Variants in AP1G1 observed in about 807,000 individuals in gnomAD.
AP1G1 encodes adaptor related protein complex 1 subunit gamma 1, also known as AP-1 complex subunit gamma-1.
A neutral mutation model predicts 108.3 loss-of-function variants in AP1G1; 7 were observed. The ratio of observed to expected loss-of-function variants is 0.06; its 90% confidence interval spans 0.04 to 0.12. The LOEUF is 0.12. Among genes scored for constraint, AP1G1 ranks in the 10% least tolerant of loss-of-function variants. The pLI, the probability that AP1G1 is intolerant of heterozygous loss-of-function variation, is 1.00. For missense variants in AP1G1, 756 were observed against 1,010.7 expected, an observed-to-expected ratio of 0.75 and a Z score of 3.42; for synonymous variants, 379 against 353.5, an observed-to-expected ratio of 1.07 and a Z score of -0.81.
At chr16:71,799,364 T>G (rs2142276900) in intron 1 of AP1G1, among the ~76,000 whole-genome samples, 1 of 152,342 alleles carries the variant, frequency 6.6e-6, no homozygotes, top group East Asian at 1.9e-4. Context: ...AGCACTTTGT[T>G]AAGTGGCAAA....
In AP1G1 at chr16:71,744,578, T is replaced by TA. The variant is rs112438201; in HGVS notation, c.1999+565_1999+566insT. On this transcript the variant is annotated intron_variant, in intron 19 of 22. Coordinates refer to ENST00000299980, the MANE Select transcript of AP1G1 (RefSeq NM_001128.6). ...GCTTGAAAGAGAAAGTGTGTTTTTT[T>TA]TTTTTTTTTTTTGGAGACAGAGTCT... 3.3e-3 allele frequency among the ~76,000 whole-genome samples: 491 copies of TA among 147,700 alleles called. 8 individuals are homozygous for TA. The highest frequency in any genetic ancestry group is 0.012 in the African/African-American group (463 of 39,880).
At chr16:71,779,724 C>G (rs924195605) in intron 2 of AP1G1, among the ~76,000 whole-genome samples, 1 of 152,162 alleles carries the variant, frequency 6.6e-6, no homozygotes, top group East Asian at 1.9e-4. Context: ...CTTTTTACAT[C>G]TTCCTGTAGC....
In AP1G1 at chr16:71,738,692, G is replaced by A. The variant is rs2045581015; in HGVS notation, c.2268+250C>T. Among the ~76,000 whole-genome samples, 2 of 152,082 alleles carry A rather than the reference G, an allele frequency of 1.3e-5. 1 individual carries two copies. Among genetic ancestry groups the A allele is most frequent in the South Asian group, 4.1e-4 (2 of 4,822 alleles). On this transcript the variant is annotated intron_variant, in intron 21 of 22. Coordinates refer to ENST00000299980, the MANE Select transcript of AP1G1 (RefSeq NM_001128.6). The stretch of plus-strand genomic sequence containing the variant: ...TTAACTGATCACCTCGTAGAATTCT[G>A]CTCTCACTACTATTAGAATTGTTTT...
At chr16:71,790,193 A>T (rs1044793935) in intron 1 of AP1G1, among the ~76,000 whole-genome samples, 1 of 152,216 alleles carries the variant, frequency 6.6e-6, no homozygotes, top group African/African-American at 2.4e-5. Flanking sequence ...AATTTCAAGA[A>T]TTACTACAAA....
At chr16:71,750,478 G>A (rs181382890) in intron 13 of AP1G1, 146 bp from the exon 14 acceptor site, 146 of 916,108 alleles carry the variant, frequency 1.6e-4, no homozygotes, top group Admixed American at 1.3e-3. Context: ...GCGATAGCGC[G>A]ATCTTGGCTC....
chr16:71,772,844 T>C (rs1419156210), intron 4 of AP1G1: 1 of 292,536 alleles, frequency 3.4e-6, no homozygotes. Flanking sequence ...CATTCCCTAA[T>C]AATTATCTAG....
chr16:71,777,786 G>A (rs1597072199), intron 2 of AP1G1: 1 of 428,768 alleles, frequency 2.3e-6, no homozygotes, highest in East Asian at 7.7e-5. Context: ...TTCTCCTTCA[G>A]GTCCTTGGTG....
chr16:71,750,941 G>A (rs1346735927), intron 13 of AP1G1, among the ~76,000 whole-genome samples: 2 of 151,506 alleles, frequency 1.3e-5, no homozygotes, highest in Non-Finnish European at 1.5e-5. Context: ...TGGATCACAA[G>A]GTCAGGAGAT....
Position 71,801,419 on chromosome 16 carries a change from G to A in AP1G1, c.-4+7344C>T, listed in dbSNP as rs552470797. On this transcript the variant is annotated intron_variant, in intron 1 of 22. Coordinates refer to ENST00000299980, the MANE Select transcript of AP1G1 (RefSeq NM_001128.6). Reference sequence around the variant, plus strand: ...ACAAAAAATTCCTATGTACACTTACGTGAGTATGTACAGTACTTAACTAAG... The same window carrying A: ...ACAAAAAATTCCTATGTACACTTACATGAGTATGTACAGTACTTAACTAAG... Among the ~76,000 whole-genome samples, 198 of 151,508 alleles carry A rather than the reference G, an allele frequency of 1.3e-3. 5 individuals carry two copies. In the South Asian group the frequency reaches 0.04, roughly 31 times the overall value.
At position 71,748,869 on chromosome 16, in the gene AP1G1, G is replaced by C. The variant is rs1167142134; in HGVS notation, c.1498-491C>G. ...TAAAGTGGTTTTAAAATCTCACAAT[G>C]GGGCCAGGCAAAGTGGCTCACACCT... On this transcript the variant is annotated intron_variant, in intron 15 of 22. Coordinates refer to ENST00000299980, the MANE Select transcript of AP1G1 (RefSeq NM_001128.6). 2.0e-5 allele frequency among the ~76,000 whole-genome samples: 3 copies of C among 152,082 alleles called. No homozygotes were observed. The East Asian group carries it at 5.8e-4, about 29-fold the overall frequency.
chr16:71,788,416 TATC>T (rs1421969925), intron 2 of AP1G1, among the ~76,000 whole-genome samples: 1 of 152,160 alleles, frequency 6.6e-6, no homozygotes, highest in African/African-American at 2.4e-5. Flanking sequence ...AGAAAGTACT[TATC>T]ATTGAGACTA....
rs193275482 is a variant in AP1G1, at chr16:71,744,700, G to A, written c.1999+444C>T. On this transcript the variant is annotated intron_variant, in intron 19 of 22. Transcript: ENST00000299980. The stretch of plus-strand genomic sequence containing the variant: ...AAGCGATTCTCCTGCCTCAGCCTCC[G>A]GAGTAGCTGGGATTATAGGCATGCA... Among the ~76,000 whole-genome samples, 268 of 150,212 alleles carry A rather than the reference G, an allele frequency of 1.8e-3. 2 individuals are homozygous for A. In the Middle Eastern group the frequency reaches 0.035, roughly 20 times the overall value.
chr16:71,751,726 T>C (rs1431316906), intron 13 of AP1G1, among the ~76,000 whole-genome samples: 1 of 152,218 alleles, frequency 6.6e-6, no homozygotes, highest in Admixed American at 6.5e-5. Flanking sequence ...TACACATTTT[T>C]CTTAAACTTA....
At chr16:71,762,124 A>C (rs1029437692) in intron 9 of AP1G1, among the ~76,000 whole-genome samples, 3 of 152,154 alleles carry the variant, frequency 2.0e-5, no homozygotes, top group African/African-American at 7.2e-5. Flanking sequence ...CTCCGTTAAT[A>C]GCAAATTTGC....
chr16:71,791,249 A>G (rs1446124187), intron 1 of AP1G1, among the ~76,000 whole-genome samples: 1 of 151,940 alleles, frequency 6.6e-6, no homozygotes, highest in African/African-American at 2.4e-5. Context: ...AAAAAAAACA[A>G]AAACAAAAAA....
intron 16 of AP1G1, 121 bp downstream of exon 16, chr16:71,748,130 G>C (rs1231454607): frequency 1.2e-5 from 12 of 1,017,228 alleles, no homozygotes; most frequent in Non-Finnish European, 1.7e-5. Flanking sequence ...GGAAATTTGT[G>C]TTATTATTCT....
chr16:71,744,747 T>G lies in AP1G1; in HGVS notation c.1999+397A>C, dbSNP rs940302682. On this transcript the variant is annotated intron_variant, in intron 19 of 22. Coordinates refer to ENST00000299980, the MANE Select transcript of AP1G1 (RefSeq NM_001128.6). ...TGCACCACTTCACCCGGCTAATTGT[T>G]GTATTTTTAGTAGAGATGGCGTTTC... Among the ~76,000 whole-genome samples, 4 of 152,086 alleles carry G rather than the reference T, an allele frequency of 2.6e-5. No individual in the cohort carries two copies. The East Asian group carries it at 7.7e-4, about 29-fold the overall frequency.
intron 21 of AP1G1, among the ~76,000 whole-genome samples, chr16:71,736,546 AATTTATT>A (rs2045545382): frequency 7.3e-6 from 1 of 136,954 alleles, no homozygotes; most frequent in Non-Finnish European, 1.5e-5. Context: ...ACGCCCGGCT[AATTTATT>A]ATTTATTTAT....
At chr16:71,800,867 T>C (rs900300101) in intron 1 of AP1G1, among the ~76,000 whole-genome samples, 1 of 150,256 alleles carries the variant, frequency 6.7e-6, no homozygotes, top group African/African-American at 2.4e-5. Context: ...TGGTGGCACA[T>C]GTCTGTAATC....
Sources: allele counts gnomAD v4.1 joint callset (sites outside exome capture counted in the v4.1 genomes callset), GRCh38; gene constraint gnomAD v4.1.1; transcripts MANE v1.5; gene names NCBI Gene and HGNC (gene_info 2026-07-23, HGNC 2026-07-21).